RIN2: variants seen among roughly 807,000 people sequenced by gnomAD.
RIN2 encodes the protein Ras and Rab interactor 2, also known as RAB5 interacting protein 2.
Under a neutral mutation model 78.0 loss-of-function variants are expected in RIN2, and 36 were observed. The ratio of observed to expected loss-of-function variants is 0.46; its 90% confidence interval spans 0.35 to 0.61. RIN2 has a LOEUF of 0.61. Ranked by LOEUF, RIN2 falls within the 20% of genes least tolerant of loss-of-function variation. The probability of loss-of-function intolerance (pLI) is 0.00; values close to 1 mark genes in which losing one functional copy is unlikely to be tolerated. For missense variants in RIN2, 1,087 were observed against 1,159.7 expected (o/e 0.94, Z 0.91); for synonymous variants, 466 against 466.8 (o/e 1.00, Z 0.02).
intron 3 of RIN2, among the ~76,000 whole-genome samples, chr20:19,928,199 G>C (rs571524872): frequency 1.3e-5 from 2 of 152,180 alleles, no homozygotes; most frequent in African/African-American, 4.8e-5. Context: ...CACTGTGCCC[G>C]ACCTGTTGCA....
At chr20:19,812,091 T>A (rs1204593950) in intron 2 of RIN2, among the ~76,000 whole-genome samples, 6 of 152,200 alleles carry the variant, frequency 3.9e-5, no homozygotes, top group Admixed American at 3.9e-4. Context: ...AGTATTTCAT[T>A]GCATGGATTT....
intron 2 of RIN2, among the ~76,000 whole-genome samples, chr20:19,813,826 T>C (rs1423794171): frequency 6.6e-6 from 1 of 152,182 alleles, no homozygotes; most frequent in Non-Finnish European, 1.5e-5. Context: ...TTACCAAAAA[T>C]ACTGAAAAAA....
intron 1 of RIN2, among the ~76,000 whole-genome samples, chr20:19,779,760 A>G (rs1228818266): frequency 6.6e-6 from 1 of 152,208 alleles, no homozygotes; most frequent in East Asian, 1.9e-4. Context: ...TAGTCATGCC[A>G]TGGCTTTCAA....
chr20:19,967,221 A>G (rs2041968200), intron 7 of RIN2, among the ~76,000 whole-genome samples: 1 of 152,240 alleles, frequency 6.6e-6, no homozygotes. Context: ...AAAGCCTTAT[A>G]AACTATAACA....
intron 2 of RIN2, among the ~76,000 whole-genome samples, chr20:19,804,821 G>T (rs6106134): frequency 1.3e-5 from 2 of 151,842 alleles, no homozygotes; most frequent in African/African-American, 4.8e-5. Flanking sequence ...GTAAATCCAT[G>T]TGGGTTTTTT....
intron 2 of RIN2, among the ~76,000 whole-genome samples, chr20:19,833,177 G>A (rs2036299367): frequency 1.3e-5 from 2 of 152,056 alleles, no homozygotes; most frequent in African/African-American, 4.8e-5. Flanking sequence ...TGGGATCTGT[G>A]AGTAACAAAC....
intron 3 of RIN2, among the ~76,000 whole-genome samples, chr20:19,917,194 G>T (rs866208590): frequency 6.6e-6 from 1 of 151,940 alleles, no homozygotes; most frequent in African/African-American, 2.4e-5. Context: ...GGGCCCAGGA[G>T]TGAGGAACAT....
intron 2 of RIN2, among the ~76,000 whole-genome samples, chr20:19,888,806 G>C (rs574461740): frequency 2.0e-5 from 3 of 152,364 alleles, no homozygotes; most frequent in African/African-American, 4.8e-5. Context: ...GTTTAACTTA[G>C]AACTGAATGT....
intron 4 of RIN2, among the ~76,000 whole-genome samples, chr20:19,946,886 C>T (rs1001265021): frequency 6.6e-6 from 1 of 151,798 alleles, no homozygotes; most frequent in African/African-American, 2.4e-5. Context: ...CAAAAATTAG[C>T]TGGACGTGGT....
Position 19,864,486 on chromosome 20 carries a change from G to A in RIN2, c.-36-25080G>A, listed in dbSNP as rs147562663. Among the ~76,000 whole-genome samples the A allele has an allele frequency of 3.8e-4, 58 of 152,242 alleles. No individual in the cohort carries two copies. The East Asian group carries it at 8.1e-3, about 21-fold the overall frequency. ...ATCCTTCCTTCCTGACTTCACCAAA[G>A]TCCCTCCTCCAAAGCAGACAGCATG... On this transcript the variant is annotated intron_variant, in intron 2 of 12. Coordinates refer to ENST00000255006, the MANE Select transcript of RIN2 (RefSeq NM_018993.4).
At chr20:19,784,997 C>T (rs550491055) in intron 1 of RIN2, among the ~76,000 whole-genome samples, 3 of 152,008 alleles carry the variant, frequency 2.0e-5, no homozygotes, top group South Asian at 2.1e-4. Context: ...CAAAGAAAAC[C>T]GCAAAATCAG....
At position 19,974,938 on chromosome 20, in the gene RIN2, C is replaced by T. The variant is rs768536206; in HGVS notation, c.913C>T (p.Arg305Trp). The stretch of plus-strand genomic sequence containing the variant: ...CAACGCGAATGGCACGGAGCGGACT[C>T]GGTCCCCCCCACCCAGGCCCCCGCC... ...TPNANGTERT[R>W]SPPPRPPPPA... Residue 305 changes from arginine (R) to tryptophan (W), a missense_variant, in exon 9 of 13, where the codon CGG becomes TGG. Coordinates refer to ENST00000255006, the MANE Select transcript of RIN2 (RefSeq NM_018993.4). The T allele has an allele frequency of 6.2e-7, 1 of 1,613,558 alleles. No individual in the cohort carries two copies. Among genetic ancestry groups the T allele is most frequent in the Non-Finnish European group, 8.5e-7 (1 of 1,179,708 alleles).
At chr20:19,844,669 C>CCTCTTCCTCTTCTTCTTCTTCTT in intron 2 of RIN2, among the ~76,000 whole-genome samples, 1 of 76,248 alleles carries the variant, frequency 1.3e-5, no homozygotes, top group African/African-American at 6.2e-5. Flanking sequence ...TCTTCTTCTT[C>CCTCTTCCTCTTCTTCTTCTTCTT]CTTCTTCTTC....
chr20:19,887,703 G>C (rs1045738977), intron 2 of RIN2, among the ~76,000 whole-genome samples: 5 of 152,186 alleles, frequency 3.3e-5, no homozygotes, highest in African/African-American at 1.2e-4. Flanking sequence ...TCATCAGAAA[G>C]AGTTTGTATA....
chr20:19,835,641 G>A (rs1033320333), intron 2 of RIN2, among the ~76,000 whole-genome samples: 1 of 152,178 alleles, frequency 6.6e-6, no homozygotes, highest in Non-Finnish European at 1.5e-5. Context: ...TTAACAGAAA[G>A]AAGTCAGTTT....
intron 4 of RIN2, among the ~76,000 whole-genome samples, chr20:19,939,854 T>C (rs1374212417): frequency 6.6e-6 from 1 of 151,950 alleles, no homozygotes; most frequent in Non-Finnish European, 1.5e-5. Flanking sequence ...TTCTTTCTTT[T>C]TTTTTTTTTT....
intron 11 of RIN2, among the ~76,000 whole-genome samples, chr20:19,995,339 C>T (rs2042926901): frequency 6.6e-6 from 1 of 150,642 alleles, no homozygotes; most frequent in Admixed American, 6.6e-5. Flanking sequence ...TACAAACCTA[C>T]TTTCTTCTCT....
chr20:19,906,959 C>A (rs1396620008), intron 3 of RIN2, among the ~76,000 whole-genome samples: 1 of 152,130 alleles, frequency 6.6e-6, no homozygotes, highest in Non-Finnish European at 1.5e-5. Flanking sequence ...CTGAGCCTGG[C>A]TAATTTATAA....
chr20:19,956,887 C>T, intron 5 of RIN2, 80 bp downstream of exon 5: 7 of 1,248,184 alleles, frequency 5.6e-6, no homozygotes, highest in Non-Finnish European at 6.5e-6. Context: ...GGAGTTAGTT[C>T]CAGAAATTTC....
Sources: allele counts gnomAD v4.1 joint callset (sites outside exome capture counted in the v4.1 genomes callset), GRCh38; gene constraint gnomAD v4.1.1; transcripts MANE v1.5; gene names NCBI Gene and HGNC (gene_info 2026-07-23, HGNC 2026-07-21).